FRY: variants seen among roughly 807,000 people sequenced by gnomAD.
The protein encoded by FRY is FRY microtubule binding protein, also known as protein furry homolog.
In FRY, 128 loss-of-function variants were observed where a neutral mutation model predicts 348.4. That is an observed-to-expected ratio of 0.37 (90% CI 0.32 to 0.43). The LOEUF is 0.43. Ranked by LOEUF, FRY falls within the 20% of genes least tolerant of loss-of-function variation. The pLI is 1.00. For missense variants in FRY, 2,736 were observed against 3,695.2 expected (o/e 0.74, Z 6.73); for synonymous variants, 1,370 against 1,374.7 (o/e 1.00, Z 0.08).
At chr13:32,115,870 T>C (rs554751534) in intron 3 of FRY, among the ~76,000 whole-genome samples, 1 of 152,210 alleles carries the variant, frequency 6.6e-6, no homozygotes, top group East Asian at 1.9e-4. Context: ...TCTGGTCCTG[T>C]TTTCTGCATA....
chr13:32,073,175 G>A (rs1874782488), intron 1 of FRY, among the ~76,000 whole-genome samples: 1 of 152,198 alleles, frequency 6.6e-6, no homozygotes, highest in South Asian at 2.1e-4. Context: ...TCTGCTTCCT[G>A]AGGAATGGAG....
rs150618064 is a variant in FRY at position 32,174,730 on chromosome 13, T to C, written c.2335-816T>C. 3.0e-3 allele frequency among the ~76,000 whole-genome samples: 450 copies of C among 152,140 alleles called. 1 individual carries two copies. Among genetic ancestry groups the C allele is most frequent in the South Asian group, 7.7e-3 (37 of 4,804 alleles). On this transcript the variant is annotated intron_variant, in intron 19 of 60. Transcript: ENST00000542859. ...TGTTGCTTTCTTTGACCAGCCATAATTTTTTTTAAACCACTGTCATTCACA... is the reference window on the plus strand; with the variant it reads ...TGTTGCTTTCTTTGACCAGCCATAACTTTTTTTAAACCACTGTCATTCACA...
Position 32,178,156 on chromosome 13 carries a change from A to G in FRY, c.2422-21A>G, listed in dbSNP as rs766660509. 3.5e-5 allele frequency: 57 copies of G among 1,613,870 alleles called. No individual in the cohort carries two copies. The South Asian group carries it at 6.3e-4, about 18-fold the overall frequency. On this transcript the variant is annotated intron_variant, in intron 20 of 60. Transcript: ENST00000542859. The stretch of plus-strand genomic sequence containing the variant: ...AACTTCAGTTCGGGTTTAACTTACA[A>G]CCTACCTCTTATACCTACAGGCAAC...
intron 3 of FRY, among the ~76,000 whole-genome samples, chr13:32,107,252 G>A (rs1877614727): frequency 6.6e-6 from 1 of 152,212 alleles, no homozygotes; most frequent in Non-Finnish European, 1.5e-5. Flanking sequence ...AGCTACTTGG[G>A]AGGCTGAGGC....
chr13:32,190,154 G>A (rs1243331018), intron 28 of FRY, among the ~76,000 whole-genome samples: 1 of 150,740 alleles, frequency 6.6e-6, no homozygotes, highest in Non-Finnish European at 1.5e-5. Flanking sequence ...TCCTTAGTTT[G>A]ACAAAAGGCA....
chr13:32,267,818 G>C (rs556566526), intron 55 of FRY, among the ~76,000 whole-genome samples: 87 of 152,244 alleles, frequency 5.7e-4, no homozygotes, highest in African/African-American at 2.1e-3. Context: ...AGTTGCTTTT[G>C]AACAGATGAA....
Position 32,249,579 on chromosome 13 carries a change from T to C in FRY, c.7062T>C (p.Asp2354=), listed in dbSNP as rs375471329. The C allele has an allele frequency of 9.3e-6, 15 of 1,614,094 alleles. No homozygotes were observed. The highest frequency in any genetic ancestry group is 1.3e-5 in the Non-Finnish European group (15 of 1,179,924). ...YDELQNSSGR[D]GKPRAMAVTR... is the part of the protein sequence containing the mutation. ...AGCTGCAGAATTCTTCTGGGCGTGATGGGAAGCCCAGGGCCATGGCCGTCA... is the reference window on the plus strand; with the variant it reads ...AGCTGCAGAATTCTTCTGGGCGTGACGGGAAGCCCAGGGCCATGGCCGTCA... Residue 2354 remains aspartate (D), a synonymous_variant, in exon 49 of 61, where the codon GAT becomes GAC. Coordinates refer to ENST00000542859, the MANE Select transcript of FRY (RefSeq NM_023037.3).
Position 32,209,726 on chromosome 13 carries a change from C to T in FRY, c.4417C>T (p.Pro1473Ser). The T allele has an allele frequency of 1.9e-6, 3 of 1,614,074 alleles. No individual in the cohort carries two copies. Among genetic ancestry groups the T allele is most frequent in the Non-Finnish European group, 2.5e-6 (3 of 1,179,940 alleles). ...GGTCAGCAGCGACACAGTTCTCCTA[C>T]CCTATGTAAGTGTCTCTCAGCCCTT... ...CGVSSDTVLL[P>S]YIKKVAIYLC... is the part of the protein sequence containing the mutation. The change falls in exon 33 of 61, where the codon CCC (proline) becomes TCC (serine). Residue 1473 changes from proline to serine, a missense_variant. Pro to Ser is a moderately conservative substitution (Grantham distance 74). Transcript: ENST00000542859.
At chr13:32,093,500 G>A (rs1187671292) in intron 2 of FRY, among the ~76,000 whole-genome samples, 3 of 152,108 alleles carry the variant, frequency 2.0e-5, no homozygotes, top group Admixed American at 6.5e-5. Flanking sequence ...TTGGCGTAAC[G>A]TAATATATTC....
intron 15 of FRY, among the ~76,000 whole-genome samples, chr13:32,156,557 C>T (rs1008717177): frequency 3.4e-5 from 5 of 145,210 alleles, no homozygotes; most frequent in East Asian, 2.0e-4. Context: ...GCCAAGATCG[C>T]ACCATTCCAC....
intron 10 of FRY, 43 bp downstream of exon 10, chr13:32,135,226 C>A: frequency 8.5e-7 from 1 of 1,170,768 alleles, no homozygotes; most frequent in Non-Finnish European, 1.3e-6. Context: ...CAAAACTGCA[C>A]AGACTAAAAT....
chr13:32,131,506 C>A (rs1879360204), intron 7 of FRY, among the ~76,000 whole-genome samples, 166 bp from the exon 8 acceptor site: 1 of 152,216 alleles, frequency 6.6e-6, no homozygotes, highest in Admixed American at 6.5e-5. Flanking sequence ...AAATTGGATC[C>A]TTTGCCAAAT....
intron 35 of FRY, among the ~76,000 whole-genome samples, chr13:32,217,154 T>C (rs1885041418): frequency 6.6e-6 from 1 of 152,204 alleles, no homozygotes; most frequent in Non-Finnish European, 1.5e-5. Flanking sequence ...TGATCTGTTA[T>C]GAGTTAAGTC....
chr13:32,113,770 C>G (rs962333345), intron 3 of FRY, among the ~76,000 whole-genome samples: 8 of 152,238 alleles, frequency 5.3e-5, no homozygotes, highest in African/African-American at 1.9e-4. Flanking sequence ...AGACCTTCCT[C>G]CCTTCCTGAG....
intron 56 of FRY, among the ~76,000 whole-genome samples, chr13:32,275,799 C>T (rs1217652406): frequency 6.6e-6 from 1 of 152,076 alleles, no homozygotes; most frequent in Non-Finnish European, 1.5e-5. Flanking sequence ...CTCTGGCTGA[C>T]GGTAATTCAT....
Position 32,224,316 on chromosome 13 carries a change from C to CTGGA in FRY, c.4848_4851dup (p.Gly1618TrpfsTer9). 1.2e-6 allele frequency: 2 copies of CTGGA among 1,613,946 alleles called. No homozygotes were observed. The highest frequency in any genetic ancestry group is 1.7e-6 in the Non-Finnish European group (2 of 1,179,904). ...CCGCAGCCCTTACCGATGCCTTGTA[C>CTGGA]TGGAGGATGCTGGGCCCCCCTGGTT... On this transcript the variant is annotated frameshift_variant, in exon 37 of 61. Coordinates refer to ENST00000542859, the MANE Select transcript of FRY (RefSeq NM_023037.3). LOFTEE classifies it high-confidence loss of function.
At chr13:32,285,478 T>A (rs576982553) in intron 58 of FRY, among the ~76,000 whole-genome samples, 33 of 152,278 alleles carry the variant, frequency 2.2e-4, no homozygotes, top group African/African-American at 7.7e-4. Flanking sequence ...AAAAACACTG[T>A]TTTGTGCCCT....
At position 32,172,051 on chromosome 13, in the gene FRY, T is replaced by C. The variant is rs548993197; in HGVS notation, c.2151+781T>C. ...ATAGATAAGGATGTAGATGTGGATA[T>C]GGATGTGGATGTAGGTGTGGGTGTG... On this transcript the variant is annotated intron_variant, in intron 18 of 60. Transcript: ENST00000542859. 7.2e-5 allele frequency among the ~76,000 whole-genome samples: 5 copies of C among 69,714 alleles called. No individual in the cohort carries two copies. The East Asian group carries it at 2.5e-3, about 34-fold the overall frequency. The allele number at this position is 69,714 out of a possible 152,430, so 45.7% of individuals were successfully genotyped here. A position where few individuals can be genotyped will look rare whatever the true frequency, so the allele number is the denominator to read the frequency against.
At position 32,091,303 on chromosome 13, in the gene FRY, A is replaced by G. The variant is rs147264652; in HGVS notation, c.271-10660A>G. Among the ~76,000 whole-genome samples the G allele has an allele frequency of 4.4e-3, 665 of 152,302 alleles. 5 individuals carry two copies. Among genetic ancestry groups the G allele is most frequent in the African/African-American group, 0.015 (632 of 41,562 alleles). On this transcript the variant is annotated intron_variant, in intron 2 of 60. Transcript: ENST00000542859. ...GTCCAGTGATCCATGCAGTCAGTCA[A>G]TTGACATGACCAGAGTACATCTTCA...
Sources: gnomAD v4.1 joint callset for allele counts (sites outside exome capture counted in the v4.1 genomes callset) on GRCh38, gnomAD v4.1.1 for gene constraint, MANE v1.5 for transcripts, NCBI Gene and HGNC (gene_info 2026-07-23, HGNC 2026-07-21) for gene names.